PTN: variants seen among roughly 807,000 people sequenced by gnomAD.
PTN encodes the protein heparin affin regulatory protein.
PTN carries 18 observed loss-of-function variants against 24.1 expected under a neutral mutation model. The ratio of observed to expected loss-of-function variants is 0.75; its 90% confidence interval spans 0.52 to 1.11. The LOEUF (loss-of-function observed/expected upper bound fraction) is 1.11. Ranked by LOEUF, PTN falls within the 50% of genes least tolerant of loss-of-function variation. The pLI, the probability that PTN is intolerant of heterozygous loss-of-function variation, is 0.00. For synonymous variants in PTN, 78 were observed against 68.6 expected (o/e 1.14, Z -0.67); for missense variants, 163 against 198.8 (o/e 0.82, Z 1.08).
chr7:137,287,499 C>A (rs1018339434), intron 1 of PTN, among the ~76,000 whole-genome samples: 1 of 151,690 alleles, frequency 6.6e-6, no homozygotes, highest in Non-Finnish European at 1.5e-5. Context: ...TTAAATTGGT[C>A]CTTAAACTCC....
At chr7:137,292,698 T>G (rs982021756) in intron 1 of PTN, among the ~76,000 whole-genome samples, 5 of 152,290 alleles carry the variant, frequency 3.3e-5, no homozygotes, top group African/African-American at 4.8e-5. Flanking sequence ...TACTGTATTG[T>G]TTAGGGAATA....
intron 1 of PTN, among the ~76,000 whole-genome samples, chr7:137,339,003 T>A: frequency 1.3e-5 from 2 of 149,110 alleles, no homozygotes; most frequent in South Asian, 2.1e-4. Context: ...TATTTGGAAA[T>A]AAATGTACAC....
chr7:137,272,261 C>G, intron 1 of PTN, among the ~76,000 whole-genome samples: 1 of 152,182 alleles, frequency 6.6e-6, no homozygotes, highest in East Asian at 1.9e-4. Flanking sequence ...TCTGTCTTTT[C>G]CACTCCTGCA....
intron 1 of PTN, among the ~76,000 whole-genome samples, chr7:137,321,893 G>T (rs1036885457): frequency 6.6e-6 from 1 of 151,982 alleles, no homozygotes; most frequent in Non-Finnish European, 1.5e-5. Flanking sequence ...ACTAGGATAA[G>T]TAAAAAAAAG....
chr7:137,342,284 A>G (rs1325529460), intron 1 of PTN, among the ~76,000 whole-genome samples: 1 of 152,002 alleles, frequency 6.6e-6, no homozygotes, highest in African/African-American at 2.4e-5. Context: ...CCCTCTCTCT[A>G]GCACACACAC....
intron 1 of PTN, among the ~76,000 whole-genome samples, chr7:137,339,566 A>G (rs1169847241): frequency 1.9e-5 from 2 of 102,858 alleles, no homozygotes; most frequent in Non-Finnish European, 4.5e-5. Context: ...AGGGTCTTGA[A>G]TCAAAAAAAA....
intron 4 of PTN, among the ~76,000 whole-genome samples, chr7:137,232,155 T>C (rs1178687263): frequency 3.3e-5 from 5 of 151,882 alleles, no homozygotes; most frequent in Non-Finnish European, 7.4e-5. Context: ...CCGGGCCACA[T>C]GTCCCTTGTC....
chr7:137,276,805 A>G (rs10251251), intron 1 of PTN, among the ~76,000 whole-genome samples: 4,238 of 152,292 alleles, frequency 0.028, 203 homozygotes, highest in African/African-American at 0.097. Flanking sequence ...ACAGAAAAAA[A>G]AAAATCACAA....
At chr7:137,259,700 A>G (rs1266215499) in intron 1 of PTN, among the ~76,000 whole-genome samples, 1 of 151,704 alleles carries the variant, frequency 6.6e-6, no homozygotes, top group African/African-American at 2.4e-5. Flanking sequence ...ACAGAGAGAG[A>G]GAGACATGAT....
intron 1 of PTN, among the ~76,000 whole-genome samples, chr7:137,278,958 AATAAT>A (rs1168724990): frequency 1.4e-5 from 2 of 142,172 alleles, no homozygotes; most frequent in African/African-American, 2.6e-5. Flanking sequence ...TAATAATAAT[AATAAT>A]AATAATAATA....
chr7:137,263,097 T>C (rs969769396), intron 1 of PTN, among the ~76,000 whole-genome samples: 3 of 152,222 alleles, frequency 2.0e-5, no homozygotes, highest in Admixed American at 2.0e-4. Context: ...GTGATTCATA[T>C]AGTACACTTG....
intron 1 of PTN, among the ~76,000 whole-genome samples, chr7:137,315,777 G>A (rs193023742): frequency 2.7e-4 from 41 of 152,204 alleles, no homozygotes; most frequent in Admixed American, 2.3e-3. Flanking sequence ...TTGGAGCTGG[G>A]ACACTAGAAT....
At chr7:137,334,943 A>G (rs1466992176) in intron 1 of PTN, among the ~76,000 whole-genome samples, 1 of 150,694 alleles carries the variant, frequency 6.6e-6, no homozygotes, top group East Asian at 2.0e-4. Flanking sequence ...TATCGCAAGG[A>G]CAAAAAACCA....
chr7:137,302,258 T>C (rs1218967922), intron 1 of PTN, among the ~76,000 whole-genome samples: 2 of 151,978 alleles, frequency 1.3e-5, no homozygotes, highest in Admixed American at 1.3e-4. Flanking sequence ...CTAAATGCCA[T>C]CAAGAATTTG....
intron 4 of PTN, chr7:137,236,365 T>C (rs1467713636): frequency 1.2e-5 from 8 of 678,056 alleles, no homozygotes; most frequent in Middle Eastern, 2.4e-4. Flanking sequence ...CGTGTTGGGA[T>C]CAGTCCCTGA....
intron 4 of PTN, among the ~76,000 whole-genome samples, chr7:137,237,838 T>G (rs952557592): frequency 6.6e-6 from 1 of 152,184 alleles, no homozygotes; most frequent in Non-Finnish European, 1.5e-5. Flanking sequence ...CAGCTTAATT[T>G]ATTACTCTTG....
At chr7:137,292,196 T>C (rs541193356) in intron 1 of PTN, among the ~76,000 whole-genome samples, 73 of 152,276 alleles carry the variant, frequency 4.8e-4, no homozygotes, top group African/African-American at 1.7e-3. Context: ...AATCCATGAA[T>C]GTTCAAGTCC....
intron 4 of PTN, among the ~76,000 whole-genome samples, chr7:137,241,218 C>T (rs1808623065): frequency 6.6e-6 from 1 of 152,164 alleles, no homozygotes; most frequent in African/African-American, 2.4e-5. Context: ...TCCTTCAACA[C>T]CTAGGAGTTA....
Position 137,253,747 on chromosome 7 carries a change from T to G in PTN, c.116-110A>C, listed in dbSNP as rs1004615743. 8.3e-6 allele frequency: 8 copies of G among 958,486 alleles called. No individual in the cohort carries two copies. The African/African-American group carries it at 1.2e-4, about 14-fold the overall frequency. The allele number at this position is 958,486 out of a possible 1,614,324, so 59.4% of individuals were successfully genotyped here. A position where few individuals can be genotyped will look rare whatever the true frequency, so the allele number is the denominator to read the frequency against. On this transcript the variant is annotated intron_variant, in intron 2 of 4. Transcript: ENST00000348225. ...ATTGCAGGATCTGTGTTTTTTAATCTGTATCCTTATTGTCTAATGAATAGT... is the reference window on the plus strand; with the variant it reads ...ATTGCAGGATCTGTGTTTTTTAATCGGTATCCTTATTGTCTAATGAATAGT...
Sources: allele counts gnomAD v4.1 joint callset (sites outside exome capture counted in the v4.1 genomes callset), GRCh38; gene constraint gnomAD v4.1.1; transcripts MANE v1.5; gene names NCBI Gene and HGNC (gene_info 2026-07-23, HGNC 2026-07-21).